The following MYO1E variants were observed in gnomAD, a reference collection of about 807,000 sequenced individuals.
MYO1E encodes the protein myosin IE.
MYO1E carries 68 observed loss-of-function variants against 151.1 expected under a neutral mutation model. The observed-to-expected ratio is 0.45, with a 90% confidence interval of 0.37 to 0.55. The LOEUF (loss-of-function observed/expected upper bound fraction) is 0.55, where lower values mean the gene tolerates loss of function less well. Among genes scored for constraint, MYO1E ranks in the 20% least tolerant of loss-of-function variants. MYO1E has a pLI of 0.00. For missense variants in MYO1E, 1,363 were observed against 1,389.3 expected (o/e 0.98, Z 0.30); for synonymous variants, 601 against 501.7 (o/e 1.20, Z -2.64).
intron 1 of MYO1E, among the ~76,000 whole-genome samples, chr15:59,319,514 GA>G (rs2080611188): frequency 8.9e-6 from 1 of 112,716 alleles, no homozygotes; most frequent in South Asian, 3.2e-4. Context: ...GAGAAAGAAA[GA>G]AAAGGCACCA....
chr15:59,190,607 G>A (rs754030853), intron 17 of MYO1E, among the ~76,000 whole-genome samples: 5 of 152,206 alleles, frequency 3.3e-5, no homozygotes, highest in Admixed American at 1.3e-4. Flanking sequence ...TAGGAGCCAG[G>A]TTCTGGTGCT....
intron 1 of MYO1E, among the ~76,000 whole-genome samples, chr15:59,354,791 A>G (rs375399095): frequency 1.3e-5 from 2 of 152,108 alleles, no homozygotes; most frequent in South Asian, 2.1e-4. Flanking sequence ...TAGCCTCTCA[A>G]TTGAAGGGGC....
chr15:59,248,685 G>A (rs199561829), intron 4 of MYO1E, among the ~76,000 whole-genome samples: 2 of 152,134 alleles, frequency 1.3e-5, no homozygotes, highest in East Asian at 3.9e-4. Context: ...TTGACTTACA[G>A]CAGAGTCAGG....
chr15:59,257,761 A>G (rs1365457485), intron 3 of MYO1E, among the ~76,000 whole-genome samples: 1 of 152,050 alleles, frequency 6.6e-6, no homozygotes, highest in Non-Finnish European at 1.5e-5. Context: ...TATGCCTAGG[A>G]CTGGTCACCT....
chr15:59,179,769 T>A (rs567995642), intron 18 of MYO1E, among the ~76,000 whole-genome samples: 2 of 152,246 alleles, frequency 1.3e-5, no homozygotes, highest in Admixed American at 1.3e-4. Context: ...CTACTATACA[T>A]GCCTATGTTA....
rs1315500160 is a variant in MYO1E, at chr15:59,286,177, G to A, written c.4-13728C>T. Among the ~76,000 whole-genome samples, 5 of 152,218 alleles carry A rather than the reference G, an allele frequency of 3.3e-5. No individual in the cohort carries two copies. The East Asian group carries it at 9.6e-4, about 29-fold the overall frequency. Reference sequence around the variant, plus strand: ...TGCAAAGAGTTATCAGCAGGCTGTGGCAGAGTTGATATCAACCTGCCAAAA... The same window carrying A: ...TGCAAAGAGTTATCAGCAGGCTGTGACAGAGTTGATATCAACCTGCCAAAA... On this transcript the variant is annotated intron_variant, in intron 1 of 27. Coordinates refer to ENST00000288235, the MANE Select transcript of MYO1E (RefSeq NM_004998.4).
chr15:59,292,783 T>C (rs189259418), intron 1 of MYO1E, among the ~76,000 whole-genome samples: 1 of 152,130 alleles, frequency 6.6e-6, no homozygotes, highest in Non-Finnish European at 1.5e-5. Context: ...ATTTAGGGGG[T>C]CTTTCTTATC....
intron 1 of MYO1E, among the ~76,000 whole-genome samples, chr15:59,353,785 A>G (rs868815030): frequency 2.0e-5 from 3 of 152,012 alleles, no homozygotes; most frequent in Admixed American, 1.3e-4. Context: ...AAGAAAGAAA[A>G]AAACGCAAAG....
Position 59,188,159 on chromosome 15 carries a change from A to G in MYO1E, c.1863T>C (p.Ala621=). Reference sequence around the variant, plus strand: ...GGAAGATGCGCCGATAGGCATAGCCAGCTCTTCTCACTCGAATGTTCTCTT... The same window carrying G: ...GGAAGATGCGCCGATAGGCATAGCCGGCTCTTCTCACTCGAATGTTCTCTT... ...GLKENIRVRR[A]GYAYRRIFQK... The change falls in exon 18 of 28, where the codon GCT becomes GCC. Residue 621 remains alanine (A), a synonymous_variant. Transcript: ENST00000288235. 1 of 1,614,196 alleles carries G rather than the reference A, an allele frequency of 6.2e-7. No homozygotes were observed. Among genetic ancestry groups the G allele is most frequent in the Non-Finnish European group, 8.5e-7 (1 of 1,180,034 alleles).
intron 1 of MYO1E, among the ~76,000 whole-genome samples, chr15:59,308,350 A>G (rs2080528429): frequency 6.6e-6 from 1 of 151,476 alleles, no homozygotes; most frequent in Non-Finnish European, 1.5e-5. Context: ...AGCATGGCCA[A>G]CATGGTGAAA....
intron 14 of MYO1E, chr15:59,206,900 C>T: frequency 1.3e-6 from 2 of 1,580,676 alleles, no homozygotes; most frequent in Non-Finnish European, 1.7e-6. Context: ...GGATCAGCAG[C>T]TTTTTTCCAT....
chr15:59,152,066 A>T (rs1464104725), intron 26 of MYO1E, among the ~76,000 whole-genome samples: 4 of 143,706 alleles, frequency 2.8e-5, no homozygotes, highest in South Asian at 2.2e-4. Flanking sequence ...GACTCCGTCT[A>T]AAAAAAAAAA....
intron 1 of MYO1E, among the ~76,000 whole-genome samples, chr15:59,344,529 AG>A (rs2080783204): frequency 6.6e-6 from 1 of 152,188 alleles, no homozygotes. Flanking sequence ...TGTTCCCTCA[AG>A]GCCCTAGGGC....
chr15:59,251,767 T>A (rs2080166323), intron 4 of MYO1E, among the ~76,000 whole-genome samples: 1 of 152,310 alleles, frequency 6.6e-6, no homozygotes, highest in South Asian at 2.1e-4. Context: ...AAAAACAAAA[T>A]TACATTTAAA....
At chr15:59,311,083 C>G (rs1396649099) in intron 1 of MYO1E, among the ~76,000 whole-genome samples, 1 of 152,096 alleles carries the variant, frequency 6.6e-6, no homozygotes, top group African/African-American at 2.4e-5. Context: ...TTCTCATGCA[C>G]AGTAGACAAC....
intron 14 of MYO1E, chr15:59,207,302 C>T (rs1386013429): frequency 1.2e-6 from 2 of 1,614,108 alleles, no homozygotes; most frequent in African/African-American, 1.3e-5. Context: ...AGCCCTTTCA[C>T]GAAAATGCCA....
chr15:59,294,953 C>T (rs548157424), intron 1 of MYO1E, among the ~76,000 whole-genome samples: 2 of 152,236 alleles, frequency 1.3e-5, no homozygotes, highest in East Asian at 3.9e-4. Flanking sequence ...TCTTTAAAGC[C>T]TGCAAGTTCC....
intron 1 of MYO1E, among the ~76,000 whole-genome samples, chr15:59,294,365 G>T (rs1567005982): frequency 6.6e-6 from 1 of 152,146 alleles, no homozygotes; most frequent in Non-Finnish European, 1.5e-5. Flanking sequence ...TAAAATTTTT[G>T]ATAAATCACC....
chr15:59,313,790 A>G (rs1421562186), intron 1 of MYO1E, among the ~76,000 whole-genome samples: 2 of 152,194 alleles, frequency 1.3e-5, no homozygotes, highest in African/African-American at 4.8e-5. Context: ...TTATAGGGAG[A>G]GAGGGAGGGG....
Sources: allele counts gnomAD v4.1 joint callset (sites outside exome capture counted in the v4.1 genomes callset), GRCh38; gene constraint gnomAD v4.1.1; transcripts MANE v1.5; gene names NCBI Gene and HGNC (gene_info 2026-07-23, HGNC 2026-07-21).